TRHDE: variants seen among roughly 807,000 people sequenced by gnomAD.
TRHDE encodes the protein thyrotropin-releasing hormone-degrading ectoenzyme.
In TRHDE, 72 loss-of-function variants were observed where a neutral mutation model predicts 125.7. That is an observed-to-expected ratio of 0.57 (90% confidence interval 0.47 to 0.70). The LOEUF is 0.70. Among genes scored for constraint, TRHDE ranks in the 30% least tolerant of loss-of-function variants. The pLI is 0.00. For synonymous variants in TRHDE, 509 were observed against 509.1 expected (o/e 1.00, Z 0.00); for missense variants, 1,110 against 1,327.1 (o/e 0.84, Z 2.54).
At chr12:72,218,566 C>G (rs1170820558) in intron 2 of TRHDE, among the ~76,000 whole-genome samples, 2 of 152,092 alleles carry the variant, frequency 1.3e-5, no homozygotes, top group Admixed American at 6.6e-5. Flanking sequence ...ATTTTAGAGC[C>G]TAGAAGTTTG....
intron 2 of TRHDE, among the ~76,000 whole-genome samples, chr12:72,180,179 T>C (rs1175376532): frequency 6.6e-6 from 1 of 152,090 alleles, no homozygotes; most frequent in Non-Finnish European, 1.5e-5. Flanking sequence ...GTGCTTTTTT[T>C]TAAAAAAAAG....
Position 72,415,734 on chromosome 12 carries a change from C to T in TRHDE, c.1315+37613C>T, listed in dbSNP as rs553602365. ...GATGATAGGATTTGTTTACTTTAAACGGCTGTATATTTCATTGTGTATATG... is the reference window on the plus strand; with the variant it reads ...GATGATAGGATTTGTTTACTTTAAATGGCTGTATATTTCATTGTGTATATG... On this transcript the variant is annotated intron_variant, in intron 3 of 18. Coordinates refer to ENST00000261180, the MANE Select transcript of TRHDE (RefSeq NM_013381.3). Among the ~76,000 whole-genome samples, 27 of 152,070 alleles carry T rather than the reference C, an allele frequency of 1.8e-4. No homozygotes were observed. The South Asian group carries it at 2.1e-3, about 12-fold the overall frequency.
intron 6 of TRHDE, among the ~76,000 whole-genome samples, chr12:72,503,013 G>A (rs1320217077): frequency 6.6e-6 from 1 of 152,096 alleles, no homozygotes; most frequent in Non-Finnish European, 1.5e-5. Flanking sequence ...AAACTAGTAT[G>A]TGCATAATGA....
At chr12:72,272,195 T>C (rs532170481), upstream of TRHDE, 27 of 447,540 alleles carry the variant, frequency 6.0e-5, no homozygotes, top group South Asian at 3.4e-4. This position sits in a 1 kb window ranked among gnomAD's most constrained non-coding sequence, Gnocchi z 6.7. Context: ...AAGCCCTAAC[T>C]TCCCTCTCTA....
intron 12 of TRHDE, among the ~76,000 whole-genome samples, chr12:72,593,266 C>A (rs772915704): frequency 6.6e-6 from 1 of 152,124 alleles, no homozygotes; most frequent in East Asian, 1.9e-4. Context: ...GGAAACCTCA[C>A]CCCTATTTTA....
chr12:72,628,785 T>A (rs1432068263), intron 15 of TRHDE, among the ~76,000 whole-genome samples: 1 of 151,936 alleles, frequency 6.6e-6, no homozygotes, highest in Non-Finnish European at 1.5e-5. Context: ...CTACCTGGTT[T>A]ATTATTTGTA....
At chr12:72,154,822 T>C (rs767358700) in intron 2 of TRHDE, among the ~76,000 whole-genome samples, 11 of 152,228 alleles carry the variant, frequency 7.2e-5, no homozygotes, top group African/African-American at 1.7e-4. Context: ...TGGCTGCCCT[T>C]AACATTTTTT....
intron 2 of TRHDE, among the ~76,000 whole-genome samples, chr12:72,119,467 C>T (rs1875525673): frequency 6.6e-6 from 1 of 152,106 alleles, no homozygotes; most frequent in South Asian, 2.1e-4. Context: ...TATGGTCTAT[C>T]TTTGAGAATT....
At position 72,479,852 on chromosome 12, in the gene TRHDE, C is replaced by T. The variant is rs531625541; in HGVS notation, c.1584+6672C>T. Among the ~76,000 whole-genome samples the T allele has an allele frequency of 2.7e-5, 4 of 148,898 alleles. No individual in the cohort carries two copies. The South Asian group carries it at 8.7e-4, about 32-fold the overall frequency. On this transcript the variant is annotated intron_variant, in intron 5 of 18. Transcript: ENST00000261180. Reference sequence around the variant, plus strand: ...AACAGTCCCCAGAGTGTGATGTTCCCCTTCCTGTGTCCATGTGTTCTCATT... The same window carrying T: ...AACAGTCCCCAGAGTGTGATGTTCCTCTTCCTGTGTCCATGTGTTCTCATT...
At chr12:72,557,841 A>G (rs140859704) in intron 7 of TRHDE, among the ~76,000 whole-genome samples, 1 of 152,292 alleles carries the variant, frequency 6.6e-6, no homozygotes, top group African/African-American at 2.4e-5. Flanking sequence ...ATAATGAATT[A>G]TGTCCTGTAT....
At chr12:72,133,591 T>C (rs1875915279) in intron 2 of TRHDE, among the ~76,000 whole-genome samples, 1 of 152,194 alleles carries the variant, frequency 6.6e-6, no homozygotes, top group Admixed American at 6.5e-5. Context: ...CAAGATGGAC[T>C]AAAATTACAT....
chr12:72,457,713 A>G (rs1038084609), intron 3 of TRHDE, among the ~76,000 whole-genome samples: 4 of 152,202 alleles, frequency 2.6e-5, no homozygotes, highest in Non-Finnish European at 4.4e-5. Flanking sequence ...AGCTTATGCT[A>G]AGAGGAACTG....
At chr12:72,340,744 T>G (rs1870046570) in intron 2 of TRHDE, among the ~76,000 whole-genome samples, 1 of 152,162 alleles carries the variant, frequency 6.6e-6, no homozygotes, top group Non-Finnish European at 1.5e-5. Flanking sequence ...TTAAGGATAC[T>G]TCCCAGAGTT....
chr12:72,327,468 G>T (rs1338035181), intron 2 of TRHDE, among the ~76,000 whole-genome samples: 1 of 152,072 alleles, frequency 6.6e-6, no homozygotes, highest in Admixed American at 6.5e-5. Flanking sequence ...AAACTGTTTG[G>T]ATTTGGGGAA....
chr12:72,372,417 G>T (rs1592397143), intron 2 of TRHDE, among the ~76,000 whole-genome samples: 1 of 152,118 alleles, frequency 6.6e-6, no homozygotes, highest in East Asian at 1.9e-4. Flanking sequence ...GTCAATTTTG[G>T]CTTTTGTTGC....
At chr12:72,201,170 CAG>C (rs1877551625) in intron 2 of TRHDE, among the ~76,000 whole-genome samples, 1 of 152,060 alleles carries the variant, frequency 6.6e-6, no homozygotes, top group Admixed American at 6.6e-5. Flanking sequence ...AAGTAGGGAT[CAG>C]ATCATGGAGT....
At chr12:72,518,460 A>T (rs1223634432) in intron 6 of TRHDE, among the ~76,000 whole-genome samples, 1 of 151,926 alleles carries the variant, frequency 6.6e-6, no homozygotes, top group South Asian at 2.1e-4. Context: ...AGAGACTAGG[A>T]TTGCAACCCC....
intron 6 of TRHDE, among the ~76,000 whole-genome samples, chr12:72,505,593 G>A (rs1878323996): frequency 6.6e-6 from 1 of 152,124 alleles, no homozygotes; most frequent in African/African-American, 2.4e-5. Flanking sequence ...CACTTTTTCA[G>A]CAATTCTTAT....
chr12:72,390,480 C>T (rs1483284772), intron 3 of TRHDE, among the ~76,000 whole-genome samples: 1 of 152,086 alleles, frequency 6.6e-6, no homozygotes, highest in African/African-American at 2.4e-5. Context: ...GCTAAAATAG[C>T]TTGTATTGAG....
Sources: gnomAD v4.1 joint callset for allele counts (sites outside exome capture counted in the v4.1 genomes callset) on GRCh38, gnomAD v4.1.1 for gene constraint, Gnocchi (gnomAD v3.1) non-coding constraint, MANE v1.5 for transcripts, NCBI Gene and HGNC (gene_info 2026-07-23, HGNC 2026-07-21) for gene names.